MINAR2: variants seen among roughly 807,000 people sequenced by gnomAD.
MINAR2 encodes the protein membrane integral NOTCH2 associated receptor 2.
MINAR2 carries 21 observed loss-of-function variants against 16.1 expected under a neutral mutation model. That is an observed-to-expected ratio of 1.31 (90% CI 0.93 to 1.88). The LOEUF is 1.88. Ranked by LOEUF, MINAR2 falls within the 40% of genes most tolerant of loss-of-function variation. MINAR2 has a pLI of 0.00. For synonymous variants in MINAR2, 86 were observed against 83.0 expected, an observed-to-expected ratio of 1.04 and a Z score of -0.20; for missense variants, 259 against 229.8, an observed-to-expected ratio of 1.13 and a Z score of -0.82.
At chr5:129,763,842 C>A (rs944106881) in intron 2 of MINAR2, among the ~76,000 whole-genome samples, 1 of 152,130 alleles carries the variant, frequency 6.6e-6, no homozygotes, top group Admixed American at 6.6e-5. Context: ...AGTTCATTGA[C>A]CCCTGATGCT....
At chr5:129,755,579 T>A (rs1272224554) in intron 1 of MINAR2, among the ~76,000 whole-genome samples, 1 of 152,042 alleles carries the variant, frequency 6.6e-6, no homozygotes, top group Non-Finnish European at 1.5e-5. Context: ...ATGTAAGAAA[T>A]TGTCCGACTG....
chr5:129,749,970 A>G (rs1410921427), intron 1 of MINAR2, among the ~76,000 whole-genome samples: 1 of 152,220 alleles, frequency 6.6e-6, no homozygotes, highest in African/African-American at 2.4e-5. Flanking sequence ...GTTAATCATT[A>G]TAAACTTCAA....
intron 1 of MINAR2, among the ~76,000 whole-genome samples, chr5:129,758,864 T>C (rs1758089023): frequency 6.6e-6 from 1 of 152,086 alleles, no homozygotes; most frequent in Non-Finnish European, 1.5e-5. Context: ...AGATAAATGC[T>C]AAGCCAAGAA....
intron 1 of MINAR2, among the ~76,000 whole-genome samples, chr5:129,752,371 A>C (rs1368171093): frequency 6.6e-6 from 1 of 152,220 alleles, no homozygotes; most frequent in Non-Finnish European, 1.5e-5. Flanking sequence ...GCACACATAC[A>C]CCATGGAATA....
Position 129,757,065 on chromosome 5 carries a change from AAT to A in MINAR2, c.166-3296_166-3295del, listed in dbSNP as rs58719695. Among the ~76,000 whole-genome samples, 120 of 145,310 alleles carry A rather than the reference AAT, an allele frequency of 8.3e-4. 1 individual carries two copies. Among genetic ancestry groups the A allele is most frequent in the African/African-American group, 1.6e-3 (62 of 39,944 alleles). ...ATTATATATGCCATATGTATCACCT[AAT>A]ATATATATATATATATCTCATCACA... On this transcript the variant is annotated intron_variant, in intron 1 of 2. Coordinates refer to ENST00000564719, the MANE Select transcript of MINAR2 (RefSeq NM_001257308.2).
rs777994154 is a variant in MINAR2 at position 129,764,990 on chromosome 5, G to C, written c.500G>C (p.Arg167Pro). The C allele has an allele frequency of 1.4e-5, 20 of 1,392,678 alleles. No individual in the cohort carries two copies. Among genetic ancestry groups the C allele is most frequent in the Non-Finnish European group, 1.8e-5 (19 of 1,071,368 alleles). 86.3% of individuals were successfully genotyped at this position (1,392,678 alleles called of 1,614,324 possible). ...EKQEKHSKFC[R>P]MGLILLVVIS... ...CAAGAGAAGCATTCAAAATTCTGTC[G>C]TATGGGTCTGATTTTACTTGTCGTT... is the stretch of plus-strand genomic sequence containing the variant. The change falls in exon 3 of 3, where the codon CGT (arginine) becomes CCT (proline). Residue 167 changes from arginine (R) to proline (P), a missense_variant. Coordinates refer to ENST00000564719, the MANE Select transcript of MINAR2 (RefSeq NM_001257308.2).
At position 129,766,651 on chromosome 5, in the gene MINAR2, A is replaced by AG. The variant is rs1177516014; in HGVS notation, c.*1588_*1589insG. 2 of 147,676 alleles carry AG rather than the reference A, an allele frequency of 1.4e-5. No homozygotes were observed. The highest frequency in any genetic ancestry group is 3.0e-5 in the Non-Finnish European group (2 of 66,778). 9.1% of individuals were successfully genotyped at this position (147,676 alleles called of 1,614,324 possible). A position where few individuals can be genotyped will look rare whatever the true frequency, so the allele number is the denominator to read the frequency against. The stretch of plus-strand genomic sequence containing the variant: ...GACTTCCATAAAAAAAAAAAAAAAA[A>AG]AAAAACAAACAAACAAACAAAAAAA... On this transcript the variant is annotated 3_prime_UTR_variant, in exon 3 of 3. Coordinates refer to ENST00000564719, the MANE Select transcript of MINAR2 (RefSeq NM_001257308.2).
At position 129,765,390 on chromosome 5, in the gene MINAR2, C is replaced by T. The variant is rs187292331; in HGVS notation, c.*327C>T. The T allele has an allele frequency of 2.1e-4, 43 of 208,412 alleles. No homozygotes were observed. The highest frequency in any genetic ancestry group is 9.3e-4 in the African/African-American group (41 of 43,986). 12.9% of individuals were successfully genotyped at this position (208,412 alleles called of 1,614,324 possible). On this transcript the variant is annotated 3_prime_UTR_variant, in exon 3 of 3. Coordinates refer to ENST00000564719, the MANE Select transcript of MINAR2 (RefSeq NM_001257308.2). Reference sequence around the variant, plus strand: ...GGGAGCAAACAGTATCAAAAATTGTCAGCAGCTTTGTTTTCATGCTTAAAC... The same window carrying T: ...GGGAGCAAACAGTATCAAAAATTGTTAGCAGCTTTGTTTTCATGCTTAAAC...
At chr5:129,753,070 G>A (rs567267128) in intron 1 of MINAR2, among the ~76,000 whole-genome samples, 31 of 152,116 alleles carry the variant, frequency 2.0e-4, no homozygotes, top group African/African-American at 6.3e-4. Flanking sequence ...AAATTTCAAT[G>A]TCTTTCCTTT....
chr5:129,762,062 A>G (rs555304355), intron 2 of MINAR2, among the ~76,000 whole-genome samples: 1 of 152,084 alleles, frequency 6.6e-6, no homozygotes, highest in Admixed American at 6.6e-5. Flanking sequence ...TACCTAATGC[A>G]TGCGGGACTT....
chr5:129,758,745 GA>G (rs201917975), intron 1 of MINAR2, among the ~76,000 whole-genome samples: 97 of 148,844 alleles, frequency 6.5e-4, no homozygotes, highest in South Asian at 8.4e-4. Context: ...TAGCCTTGAA[GA>G]AAAAAAAAAT....
At chr5:129,762,083 T>A (rs1224847261) in intron 2 of MINAR2, among the ~76,000 whole-genome samples, 1 of 151,948 alleles carries the variant, frequency 6.6e-6, no homozygotes, top group Non-Finnish European at 1.5e-5. Context: ...AAAACCTAGA[T>A]GACGGGTTCA....
chr5:129,762,555 T>G (rs1411790827), intron 2 of MINAR2: 10 of 336,526 alleles, frequency 3.0e-5, no homozygotes, highest in African/African-American at 1.6e-4. Context: ...ATTTTCAGGT[T>G]TTCTGCTCTT....
intron 2 of MINAR2, chr5:129,762,430 G>A: frequency 4.5e-6 from 1 of 224,076 alleles, no homozygotes; most frequent in Middle Eastern, 2.3e-3. Flanking sequence ...TATAAAATTT[G>A]TTCACTATAA....
Position 129,748,564 on chromosome 5 carries a change from C to G in MINAR2, c.165+209C>G, listed in dbSNP as rs553913502. 3.3e-5 allele frequency among the ~76,000 whole-genome samples: 5 copies of G among 152,192 alleles called. 1 individual carries two copies. The South Asian group carries it at 1.0e-3, about 32-fold the overall frequency. ...ACATGGATTCTCTCATTCATTAATT[C>G]CCCTCCTAGCATTAGCTTCTCTGCC... On this transcript the variant is annotated intron_variant, in intron 1 of 2. Transcript: ENST00000564719.
chr5:129,751,608 G>C (rs1186244260), intron 1 of MINAR2, among the ~76,000 whole-genome samples: 1 of 152,136 alleles, frequency 6.6e-6, no homozygotes, highest in African/African-American at 2.4e-5. Flanking sequence ...TATTTGCAGA[G>C]AGTATACACA....
At chr5:129,752,053 A>G (rs1757992027) in intron 1 of MINAR2, among the ~76,000 whole-genome samples, 1 of 152,206 alleles carries the variant, frequency 6.6e-6, no homozygotes. Flanking sequence ...AATGGTGTTC[A>G]TTAAAAAGTC....
At chr5:129,763,457 A>G (rs1758165484) in intron 2 of MINAR2, among the ~76,000 whole-genome samples, 1 of 152,216 alleles carries the variant, frequency 6.6e-6, no homozygotes, top group South Asian at 2.1e-4. Flanking sequence ...GTAAGAGTTT[A>G]TAAGCCAGAA....
chr5:129,752,786 T>A (rs1219266017), intron 1 of MINAR2, among the ~76,000 whole-genome samples: 1 of 152,084 alleles, frequency 6.6e-6, no homozygotes, highest in Non-Finnish European at 1.5e-5. Flanking sequence ...GTCTTTTTTT[T>A]TTTTCCATTT....
Sources: allele counts gnomAD v4.1 joint callset (sites outside exome capture counted in the v4.1 genomes callset), GRCh38; gene constraint gnomAD v4.1.1; transcripts MANE v1.5; gene names NCBI Gene and HGNC (gene_info 2026-07-23, HGNC 2026-07-21).